The following KAZN variants were observed in gnomAD, a reference collection of about 807,000 sequenced individuals.
The protein encoded by KAZN is kazrin.
Under a neutral mutation model 87.4 loss-of-function variants are expected in KAZN, and 40 were observed. That is an observed-to-expected ratio of 0.46 (90% confidence interval 0.36 to 0.60). KAZN has a LOEUF of 0.60. Among genes scored for constraint, KAZN ranks in the 20% least tolerant of loss-of-function variants. KAZN has a pLI of 0.00. For missense variants in KAZN, 898 were observed against 1,073.9 expected (o/e 0.84, Z 2.29); for synonymous variants, 466 against 458.3 (o/e 1.02, Z -0.22).
chr1:15,070,773 C>T (rs77209368), intron 8 of KAZN, among the ~76,000 whole-genome samples: 12 of 152,072 alleles, frequency 7.9e-5, no homozygotes, highest in Non-Finnish European at 1.8e-4. Flanking sequence ...CTCGGGATGT[C>T]GAGGCTGCAA....
At chr1:14,356,797 G>A (rs1303846341) in intron 2 of KAZN, among the ~76,000 whole-genome samples, 1 of 152,078 alleles carries the variant, frequency 6.6e-6, no homozygotes, top group African/African-American at 2.4e-5. Context: ...ATCTGTTTGG[G>A]TACTGGTACC....
chr1:14,421,127 C>G (rs978935628), intron 2 of KAZN, among the ~76,000 whole-genome samples: 1 of 152,224 alleles, frequency 6.6e-6, no homozygotes, highest in Admixed American at 6.5e-5. Flanking sequence ...ATAGCTAGAG[C>G]TACTACTACA....
At chr1:14,360,561 T>C (rs1436465390) in intron 2 of KAZN, among the ~76,000 whole-genome samples, 1 of 152,238 alleles carries the variant, frequency 6.6e-6, no homozygotes, top group Middle Eastern at 3.2e-3. Context: ...GTGCATTTTT[T>C]TTTAATCTTC....
intron 2 of KAZN, among the ~76,000 whole-genome samples, chr1:14,562,321 A>G (rs1158760766): frequency 1.3e-5 from 2 of 152,176 alleles, no homozygotes; most frequent in Non-Finnish European, 2.9e-5. Flanking sequence ...GGGATACGGA[A>G]AAAGTATGCT....
chr1:14,069,088 T>C (rs181564000), intron 1 of KAZN, among the ~76,000 whole-genome samples: 14 of 152,256 alleles, frequency 9.2e-5, no homozygotes, highest in African/African-American at 3.1e-4. Context: ...TGAGCCACCA[T>C]GCCCGGCCAG....
intron 1 of KAZN, among the ~76,000 whole-genome samples, chr1:14,619,052 T>C (rs1296830347): frequency 6.6e-6 from 1 of 151,922 alleles, no homozygotes; most frequent in Non-Finnish European, 1.5e-5. Context: ...AAGATCTGGG[T>C]GGGATGGGAG....
At chr1:14,378,970 C>T (rs1423432167) in intron 2 of KAZN, among the ~76,000 whole-genome samples, 2 of 150,520 alleles carry the variant, frequency 1.3e-5, no homozygotes, top group African/African-American at 2.5e-5. Flanking sequence ...CAGCTTGCAG[C>T]TCCAAAAGAG....
At chr1:13,895,234 A>G (rs1372348254) in intron 1 of KAZN, among the ~76,000 whole-genome samples, 5 of 152,032 alleles carry the variant, frequency 3.3e-5, no homozygotes, top group Admixed American at 6.6e-5. Flanking sequence ...GAAGGTTGAA[A>G]ATCTCCCACT....
chr1:15,003,034 A>AC (rs67670557), intron 2 of KAZN, among the ~76,000 whole-genome samples: 1 of 151,132 alleles, frequency 6.6e-6, no homozygotes, highest in African/African-American at 2.4e-5. Context: ...ACACACACAC[A>AC]AAATTGAGGG....
intron 2 of KAZN, among the ~76,000 whole-genome samples, chr1:14,432,334 A>T (rs1666121251): frequency 6.6e-6 from 1 of 152,218 alleles, no homozygotes; most frequent in African/African-American, 2.4e-5. Context: ...AAGAAAAGCT[A>T]TGAGCTCTAG....
At chr1:14,463,006 C>T (rs961899987) in intron 2 of KAZN, among the ~76,000 whole-genome samples, 1 of 152,142 alleles carries the variant, frequency 6.6e-6, no homozygotes, top group African/African-American at 2.4e-5. Context: ...TGGAGCAGGG[C>T]TAACTCATAG....
rs143324943 is a variant in KAZN, at chr1:14,429,120, T to A, written c.250-169863T>A. Among the ~76,000 whole-genome samples the A allele has an allele frequency of 8.6e-3, 1,307 of 152,208 alleles. 17 individuals are homozygous for A. The highest frequency in any genetic ancestry group is 0.03 in the African/African-American group (1,253 of 41,514). On this transcript the variant is annotated intron_variant, in intron 2 of 16. Transcript: ENST00000636203. ...CATAATTCAAGGAGGGACCGTGTCA[T>A]ATAAGTTTTATGATCTTTCAGTCAA... is the stretch of plus-strand genomic sequence containing the variant.
chr1:14,080,976 T>C (rs1044393347), intron 1 of KAZN, among the ~76,000 whole-genome samples: 6 of 152,208 alleles, frequency 3.9e-5, no homozygotes, highest in Non-Finnish European at 7.3e-5. Context: ...CAGAAACATA[T>C]TGATGTGTTA....
intron 3 of KAZN, among the ~76,000 whole-genome samples, chr1:15,042,445 T>C (rs1433483531): frequency 6.6e-6 from 1 of 152,076 alleles, no homozygotes; most frequent in Non-Finnish European, 1.5e-5. Flanking sequence ...ACGTGGGTGG[T>C]CAGGGAAGGC....
intron 1 of KAZN, among the ~76,000 whole-genome samples, chr1:13,954,493 C>A (rs1641468618): frequency 1.3e-5 from 2 of 152,130 alleles, no homozygotes; most frequent in Admixed American, 6.5e-5. Context: ...TGAGTGCATG[C>A]AGAATGGATT....
At chr1:14,232,225 A>T (rs1647927947) in intron 2 of KAZN, among the ~76,000 whole-genome samples, 1 of 152,180 alleles carries the variant, frequency 6.6e-6, no homozygotes, top group Admixed American at 6.5e-5. Context: ...GCAAAGAAAC[A>T]AAGTTTTAGG....
At chr1:14,141,795 T>C (rs149302614) in intron 1 of KAZN, among the ~76,000 whole-genome samples, 19 of 152,304 alleles carry the variant, frequency 1.2e-4, no homozygotes, top group African/African-American at 4.3e-4. Flanking sequence ...GAAAAATCTC[T>C]GTGTTTGGAG....
At chr1:14,792,591 A>G (rs1004155758) in intron 1 of KAZN, among the ~76,000 whole-genome samples, 3 of 152,118 alleles carry the variant, frequency 2.0e-5, no homozygotes, top group African/African-American at 4.8e-5. Context: ...CAATCGGTGC[A>G]GGAAATGGGA....
At chr1:13,963,786 T>C (rs1441878876) in intron 1 of KAZN, among the ~76,000 whole-genome samples, 1 of 150,444 alleles carries the variant, frequency 6.6e-6, no homozygotes, top group Non-Finnish European at 1.5e-5. Context: ...TGTGTGTGTG[T>C]GTGTGTGTGT....
Sources: gnomAD v4.1 joint callset for allele counts (sites outside exome capture counted in the v4.1 genomes callset) on GRCh38, gnomAD v4.1.1 for gene constraint, MANE v1.5 for transcripts, NCBI Gene and HGNC (gene_info 2026-07-23, HGNC 2026-07-21) for gene names.